Variants in NSUN6 observed in about 807,000 individuals in gnomAD.
The protein encoded by NSUN6 is NOP2/Sun RNA methyltransferase 6.
Under a neutral mutation model 58.0 loss-of-function variants are expected in NSUN6, and 64 were observed. That is an observed-to-expected ratio of 1.10 (90% CI 0.90 to 1.36). The LOEUF is 1.36. Ranked by LOEUF, NSUN6 falls within the 40% of genes most tolerant of loss-of-function variation. The probability of loss-of-function intolerance (pLI) is 0.00; values close to 1 mark genes in which losing one functional copy is unlikely to be tolerated. For synonymous variants in NSUN6, 231 were observed against 193.9 expected (o/e 1.19, Z -1.59); for missense variants, 701 against 550.1 (o/e 1.27, Z -2.74).
chr10:18,643,986 T>C (rs1305000589), intron 2 of NSUN6, among the ~76,000 whole-genome samples: 3 of 152,226 alleles, frequency 2.0e-5, no homozygotes, highest in Non-Finnish European at 2.9e-5. Flanking sequence ...TCTTTTAATG[T>C]TGGTTTCTGC....
intron 6 of NSUN6, among the ~76,000 whole-genome samples, chr10:18,602,854 T>C (rs1313951791): frequency 6.6e-6 from 1 of 152,218 alleles, no homozygotes; most frequent in Non-Finnish European, 1.5e-5. Flanking sequence ...TACTCTTGCA[T>C]AGTATTCCAT....
intron 6 of NSUN6, among the ~76,000 whole-genome samples, chr10:18,602,911 G>A (rs1035480429): frequency 6.6e-6 from 1 of 152,282 alleles, no homozygotes; most frequent in East Asian, 1.9e-4. Flanking sequence ...TTATTTATGA[G>A]GCTTATCAAG....
intron 3 of NSUN6, among the ~76,000 whole-genome samples, chr10:18,633,729 ACCAG>A (rs1215357470): frequency 6.6e-6 from 1 of 152,206 alleles, no homozygotes; most frequent in African/African-American, 2.4e-5. Context: ...AAATGGCATA[ACCAG>A]ACAATCTGTT....
At chr10:18,572,695 A>C (rs1177498335) in intron 8 of NSUN6, among the ~76,000 whole-genome samples, 3 of 136,086 alleles carry the variant, frequency 2.2e-5, no homozygotes, top group African/African-American at 8.5e-5. Flanking sequence ...TTCTCCTTCC[A>C]TTCTCCATTC....
At chr10:18,615,539 C>A (rs1299167766) in intron 4 of NSUN6, among the ~76,000 whole-genome samples, 1 of 152,130 alleles carries the variant, frequency 6.6e-6, no homozygotes, top group African/African-American at 2.4e-5. Flanking sequence ...AAGGAAAAAA[C>A]CATTCTTAGC....
intron 3 of NSUN6, among the ~76,000 whole-genome samples, chr10:18,625,175 T>G (rs2058747973): frequency 6.6e-6 from 1 of 152,178 alleles, no homozygotes. Flanking sequence ...TTCTGTATGC[T>G]TTCATGTAAT....
At chr10:18,653,774 A>G (rs541062225), upstream of NSUN6, among the ~76,000 whole-genome samples, 10 of 152,334 alleles carry the variant, frequency 6.6e-5, no homozygotes, top group African/African-American at 2.2e-4. Context: ...CATATTACAA[A>G]ACAAGAGGTT....
At chr10:18,570,252 CAATT>C (rs1377247300) in intron 8 of NSUN6, among the ~76,000 whole-genome samples, 1 of 150,882 alleles carries the variant, frequency 6.6e-6, no homozygotes, top group African/African-American at 2.4e-5. Context: ...CCATTCCATT[CAATT>C]CTCGATTCCA....
At chr10:18,638,673 C>G (rs12764299) in intron 3 of NSUN6, among the ~76,000 whole-genome samples, 2 of 151,910 alleles carry the variant, frequency 1.3e-5, no homozygotes, top group African/African-American at 4.8e-5. Flanking sequence ...AAGGGAAATA[C>G]TATGTGGCCT....
chr10:18,548,387 T>C (rs1302071539), intron 9 of NSUN6, 150 bp from the exon 10 acceptor site: 4 of 649,434 alleles, frequency 6.2e-6, no homozygotes, highest in Admixed American at 6.5e-5. Context: ...AATTAGAGTA[T>C]GCAAGAGCAA....
At chr10:18,582,411 T>A (rs1055687397) in intron 8 of NSUN6, among the ~76,000 whole-genome samples, 4 of 152,074 alleles carry the variant, frequency 2.6e-5, no homozygotes, top group African/African-American at 9.7e-5. Flanking sequence ...CTCTTGAAAA[T>A]AACGGAGATT....
intron 6 of NSUN6, among the ~76,000 whole-genome samples, chr10:18,605,797 C>T (rs2058027349): frequency 6.6e-6 from 1 of 152,136 alleles, no homozygotes; most frequent in Non-Finnish European, 1.5e-5. Context: ...AAACATCATA[C>T]AACCTAAGGA....
chr10:18,602,611 C>G (rs1364265760), intron 6 of NSUN6, among the ~76,000 whole-genome samples: 1 of 152,086 alleles, frequency 6.6e-6, no homozygotes, highest in Admixed American at 6.5e-5. Flanking sequence ...CTCAAGTGAT[C>G]CACCTGCCTT....
intron 8 of NSUN6, among the ~76,000 whole-genome samples, chr10:18,555,035 GGAGAATGGAATGGAATGGA>G (rs2054883821): frequency 2.0e-5 from 3 of 149,374 alleles, no homozygotes; most frequent in Admixed American, 6.7e-5. Flanking sequence ...AGAGTGGAAT[GGAGAATGGAATGGAATGGA>G]GAATGGAATG....
At chr10:18,595,011 C>T (rs10764604) in intron 7 of NSUN6, among the ~76,000 whole-genome samples, 60,046 of 152,086 alleles carry the variant, frequency 0.39, 12,510 homozygotes, top group East Asian at 0.74. Context: ...GCTGGGCCAG[C>T]CTGCTGGTCC....
chr10:18,606,167 G>C (rs538499728), intron 6 of NSUN6, among the ~76,000 whole-genome samples: 2 of 152,292 alleles, frequency 1.3e-5, no homozygotes, highest in Non-Finnish European at 2.9e-5. Flanking sequence ...ATCTGGGTCT[G>C]TATCACAATA....
chr10:18,655,122 A>G (rs1445477860), upstream of NSUN6: 5 of 982,080 alleles, frequency 5.1e-6, no homozygotes, highest in East Asian at 1.1e-4. Flanking sequence ...CAGCAGTCCA[A>G]CTGTTGCCAG....
intron 6 of NSUN6, among the ~76,000 whole-genome samples, chr10:18,607,880 TC>T (rs1193410843): frequency 6.6e-6 from 1 of 152,226 alleles, no homozygotes; most frequent in Non-Finnish European, 1.5e-5. Context: ...ACTTTACTTT[TC>T]TAAGCCTCTA....
chr10:18,653,076 AATTTCTGTAGCCTG>A (rs746646849), upstream of NSUN6: 47 of 984,786 alleles, frequency 4.8e-5, no homozygotes, highest in Non-Finnish European at 5.2e-5. Flanking sequence ...TTTCCAAAGG[AATTTCTGTAGCCTG>A]AATTTCATGG....
Sources: gnomAD v4.1 joint callset for allele counts (sites outside exome capture counted in the v4.1 genomes callset) on GRCh38, gnomAD v4.1.1 for gene constraint, MANE v1.5 for transcripts, NCBI Gene and HGNC (gene_info 2026-07-23, HGNC 2026-07-21) for gene names.